MYO16: variants seen among roughly 807,000 people sequenced by gnomAD.
The protein encoded by MYO16 is unconventional myosin-XVI.
Under a neutral mutation model 205.3 loss-of-function variants are expected in MYO16, and 94 were observed. The ratio of observed to expected loss-of-function variants is 0.46; its 90% CI spans 0.39 to 0.54. MYO16 has a LOEUF of 0.54. Among genes scored for constraint, MYO16 ranks in the 20% least tolerant of loss-of-function variants. The pLI is 0.00. For missense variants in MYO16, 2,315 were observed against 2,387.5 expected (o/e 0.97, Z 0.63); for synonymous variants, 988 against 954.0 (o/e 1.04, Z -0.66).
At chr13:108,501,527 G>A in the MYO16 span, among the ~76,000 whole-genome samples, 6 of 152,202 alleles carry the variant, frequency 3.9e-5, no homozygotes, top group African/African-American at 1.2e-4. Flanking sequence ...CTAGCTTAGC[G>A]GAGATCCAGA....
chr13:108,852,464 G>C (rs901389560), intron 10 of MYO16, among the ~76,000 whole-genome samples: 1 of 151,918 alleles, frequency 6.6e-6, no homozygotes, highest in South Asian at 2.1e-4. Flanking sequence ...GTCCTCTCTG[G>C]GCCTTAAGTT....
chr13:109,108,179 TACATGTGTGC>T (rs1427674081), intron 28 of MYO16, among the ~76,000 whole-genome samples: 1 of 152,180 alleles, frequency 6.6e-6, no homozygotes, highest in African/African-American at 2.4e-5. Context: ...TTTGTATTTT[TACATGTGTGC>T]ACATGTGTGT....
At chr13:108,508,911 A>T in the MYO16 span, among the ~76,000 whole-genome samples, 2 of 152,218 alleles carry the variant, frequency 1.3e-5, no homozygotes, top group Non-Finnish European at 2.9e-5. Flanking sequence ...ACCATCCCAT[A>T]GACTGGAGTT....
At chr13:108,935,677 G>C (rs1882446400) in intron 16 of MYO16, among the ~76,000 whole-genome samples, 1 of 152,114 alleles carries the variant, frequency 6.6e-6, no homozygotes, top group Admixed American at 6.5e-5. Context: ...GAAGTGTTGA[G>C]AGTCGGCATC....
the MYO16 span, among the ~76,000 whole-genome samples, chr13:108,536,827 A>C: frequency 2.0e-5 from 3 of 152,130 alleles, no homozygotes; most frequent in African/African-American, 7.2e-5. Flanking sequence ...GGAAGTAAGA[A>C]ATATTTAAAA....
chr13:108,841,626 C>G (rs1877249016), intron 9 of MYO16, among the ~76,000 whole-genome samples: 1 of 152,060 alleles, frequency 6.6e-6, no homozygotes, highest in South Asian at 2.1e-4. Context: ...AAGAGCTTAT[C>G]TGATAAATGA....
At chr13:108,759,339 G>C (rs1351147334) in intron 4 of MYO16, among the ~76,000 whole-genome samples, 1 of 152,150 alleles carries the variant, frequency 6.6e-6, no homozygotes, top group Non-Finnish European at 1.5e-5. Context: ...ACATCATTCT[G>C]CTGTATTTAT....
intron 9 of MYO16, among the ~76,000 whole-genome samples, chr13:108,842,212 GTCAGTTACA>G (rs1877279561): frequency 6.6e-6 from 1 of 151,930 alleles, no homozygotes; most frequent in African/African-American, 2.4e-5. Context: ...GAAAAAATAA[GTCAGTTACA>G]TCAGACTATA....
intron 34 of MYO16, among the ~76,000 whole-genome samples, chr13:109,201,873 G>A (rs1880407759): frequency 6.6e-6 from 1 of 152,008 alleles, no homozygotes; most frequent in African/African-American, 2.4e-5. Flanking sequence ...TCCTGAGTTA[G>A]TTCACTTGGA....
the MYO16 span, among the ~76,000 whole-genome samples, chr13:108,586,826 T>G: frequency 3.0e-3 from 457 of 152,334 alleles, no homozygotes; most frequent in Non-Finnish European, 4.6e-3. Context: ...TTACTTTCAA[T>G]TTCTATAAGG....
At chr13:108,560,200 T>G in the MYO16 span, among the ~76,000 whole-genome samples, 1 of 152,238 alleles carries the variant, frequency 6.6e-6, no homozygotes, top group Non-Finnish European at 1.5e-5. Context: ...CTCCTATCTA[T>G]GAAGGCACAC....
the MYO16 span, among the ~76,000 whole-genome samples, chr13:108,566,735 GAGGAAGGAAGGAAGGAAGGAAGGAAGGA>G: frequency 1.3e-4 from 17 of 134,232 alleles, no homozygotes; most frequent in South Asian, 5.1e-4. Context: ...GGAAGGAAGG[GAGGAAGGAAGGAAGGAAGGAAGGAAGGA>G]AGGAAGGAAG....
At chr13:108,879,783 C>A (rs1879513097) in intron 12 of MYO16, among the ~76,000 whole-genome samples, 1 of 152,088 alleles carries the variant, frequency 6.6e-6, no homozygotes, top group Admixed American at 6.5e-5. Context: ...TGGGTTGATT[C>A]CAAGTCTTTG....
chr13:108,772,145 T>C (rs1464841872), intron 4 of MYO16, among the ~76,000 whole-genome samples: 1 of 151,966 alleles, frequency 6.6e-6, no homozygotes, highest in Non-Finnish European at 1.5e-5. Flanking sequence ...GCCCACAAAT[T>C]AGAGACAAGC....
At chr13:109,185,917 C>A (rs775675361) in intron 34 of MYO16, among the ~76,000 whole-genome samples, 1 of 152,184 alleles carries the variant, frequency 6.6e-6, no homozygotes, top group Non-Finnish European at 1.5e-5. Flanking sequence ...GATTATTCTG[C>A]AAACAGCTTC....
In MYO16 at chr13:108,898,145, A is replaced by G; in HGVS notation, c.1777+12A>G. ...ACAGCTAACCGGAGGTAAGTGCAGT[A>G]TTTGACAACGTGGATTTCCTGTGCC... On this transcript the variant is annotated intron_variant, in intron 15 of 34. Transcript: ENST00000457511. 6.3e-7 allele frequency: 1 copy of G among 1,587,248 alleles called. No homozygotes were observed. Among genetic ancestry groups the G allele is most frequent in the Non-Finnish European group, 8.7e-7 (1 of 1,155,664 alleles).
Position 109,095,821 on chromosome 13 carries a change from T to G in MYO16, c.3336-4964T>G, listed in dbSNP as rs1888758204. Among the ~76,000 whole-genome samples, 8 of 152,360 alleles carry G rather than the reference T, an allele frequency of 5.3e-5. No individual in the cohort carries two copies. In the South Asian group the frequency reaches 1.4e-3, roughly 28 times the overall value. ...TTCCTGAGGGCATGAATGAGTTCAC[T>G]GTTAAAGAGCCTGCAGGCACCGAAG... On this transcript the variant is annotated intron_variant, in intron 27 of 34. Transcript: ENST00000457511.
intron 16 of MYO16, among the ~76,000 whole-genome samples, chr13:108,953,099 CA>C (rs1217565073): frequency 1.3e-5 from 2 of 151,864 alleles, no homozygotes; most frequent in African/African-American, 2.4e-5. Flanking sequence ...TGTTAAAAAA[CA>C]AAAAAAGTCT....
rs560868749 is a variant in MYO16 at position 108,631,928 on chromosome 13, T to C, written c.28+2056T>C. On this transcript the variant is annotated intron_variant, in intron 1 of 34. Transcript: ENST00000457511. ...CCCTGTCTCTACTAAAAATACAAAATTTTGCTGGGTGTGGTGGTGGGAGCC... is the reference window on the plus strand; with the variant it reads ...CCCTGTCTCTACTAAAAATACAAAACTTTGCTGGGTGTGGTGGTGGGAGCC... 4.3e-4 allele frequency among the ~76,000 whole-genome samples: 66 copies of C among 151,830 alleles called. 1 individual carries two copies. The highest frequency in any genetic ancestry group is 1.3e-3 in the South Asian group (6 of 4,790).
Sources: gnomAD v4.1 joint callset for allele counts (sites outside exome capture counted in the v4.1 genomes callset) on GRCh38, gnomAD v4.1.1 for gene constraint, MANE v1.5 for transcripts, NCBI Gene and HGNC (gene_info 2026-07-23, HGNC 2026-07-21) for gene names.